The following GRM7 variants were observed in gnomAD, a reference collection of about 807,000 sequenced individuals.
GRM7 encodes the protein metabotropic glutamate receptor 7.
A neutral mutation model predicts 84.5 loss-of-function variants in GRM7; 35 were observed. That is an observed-to-expected ratio of 0.41 (90% confidence interval 0.32 to 0.55). The LOEUF (loss-of-function observed/expected upper bound fraction) is 0.55, where lower values mean the gene tolerates loss of function less well. Ranked by LOEUF, GRM7 falls within the 20% of genes least tolerant of loss-of-function variation. GRM7 has a pLI of 0.19. For synonymous variants in GRM7, 487 were observed against 455.1 expected (o/e 1.07, Z -0.89); for missense variants, 1,003 against 1,194.6 (o/e 0.84, Z 2.36).
chr3:7,003,494 C>T (rs1215999492), intron 1 of GRM7, among the ~76,000 whole-genome samples: 3 of 151,926 alleles, frequency 2.0e-5, no homozygotes, highest in African/African-American at 7.3e-5. Context: ...TTGGATGGTC[C>T]TCAAAGATTA....
chr3:7,207,206 C>A (rs1445853701), intron 2 of GRM7, among the ~76,000 whole-genome samples: 1 of 152,152 alleles, frequency 6.6e-6, no homozygotes, highest in Non-Finnish European at 1.5e-5. Context: ...GACATGGGGA[C>A]AGTGGCTCTT....
chr3:7,367,166 G>T (rs910308759), intron 4 of GRM7, among the ~76,000 whole-genome samples: 1 of 151,804 alleles, frequency 6.6e-6, no homozygotes, highest in Middle Eastern at 3.4e-3. Flanking sequence ...ATTCTTTCTA[G>T]ATGGGAATCC....
chr3:7,667,212 G>T (rs1699736797), intron 8 of GRM7, among the ~76,000 whole-genome samples: 1 of 151,088 alleles, frequency 6.6e-6, no homozygotes, highest in Non-Finnish European at 1.5e-5. Flanking sequence ...AGACTGAAGT[G>T]ATCTATGATC....
At chr3:7,076,978 A>G (rs934518304) in intron 1 of GRM7, among the ~76,000 whole-genome samples, 1 of 152,234 alleles carries the variant, frequency 6.6e-6, no homozygotes, top group Non-Finnish European at 1.5e-5. Flanking sequence ...AAAAATGCTC[A>G]TCATCACTGG....
rs116229020 is a variant in GRM7 at position 7,565,820 on chromosome 3, C to T, written c.1516-12602C>T. Among the ~76,000 whole-genome samples the T allele has an allele frequency of 3.8e-3, 579 of 152,298 alleles. 4 individuals are homozygous for T. The highest frequency in any genetic ancestry group is 0.013 in the African/African-American group (554 of 41,576). On this transcript the variant is annotated intron_variant, in intron 7 of 9. Coordinates refer to ENST00000357716, the MANE Select transcript of GRM7 (RefSeq NM_000844.4). ...CTGAAGAGGGTTTGGTAGCAAAGAT[C>T]AGAAAGGATGATTCAACTCTCTAAG...
intron 1 of GRM7, among the ~76,000 whole-genome samples, chr3:7,029,366 G>C (rs1696107888): frequency 6.6e-6 from 1 of 151,814 alleles, no homozygotes; most frequent in African/African-American, 2.4e-5. Context: ...ATACTTCTGG[G>C]TACATATCCA....
chr3:7,181,243 A>G (rs887793574), intron 2 of GRM7, among the ~76,000 whole-genome samples: 3 of 152,272 alleles, frequency 2.0e-5, no homozygotes, highest in Non-Finnish European at 2.9e-5. Context: ...GCATCCCATC[A>G]CTTATAATGC....
intron 4 of GRM7, among the ~76,000 whole-genome samples, chr3:7,315,586 C>T (rs1409837412): frequency 6.6e-6 from 1 of 152,112 alleles, no homozygotes; most frequent in East Asian, 1.9e-4. Context: ...CAAATTAGAA[C>T]AGACAAATAC....
At chr3:7,630,254 T>C (rs986323022) in intron 8 of GRM7, among the ~76,000 whole-genome samples, 5 of 152,166 alleles carry the variant, frequency 3.3e-5, no homozygotes, top group Non-Finnish European at 7.4e-5. Context: ...GACTACAGGA[T>C]AGAAGAAGAA....
intron 1 of GRM7, among the ~76,000 whole-genome samples, chr3:6,892,045 T>G (rs1167540998): frequency 1.3e-5 from 2 of 152,224 alleles, no homozygotes; most frequent in African/African-American, 4.8e-5. Flanking sequence ...GGCTTCTGCA[T>G]TCTTCACGTA....
At position 7,550,901 on chromosome 3, in the gene GRM7, C is replaced by T. The variant is rs180926776; in HGVS notation, c.1516-27521C>T. The stretch of plus-strand genomic sequence containing the variant: ...TTTCTCTAAGCCCCACTCTCCTACT[C>T]AATAAAATGTGGAAGCAGTATTTCA... On this transcript the variant is annotated intron_variant, in intron 7 of 9. Coordinates refer to ENST00000357716, the MANE Select transcript of GRM7 (RefSeq NM_000844.4). Among the ~76,000 whole-genome samples the T allele has an allele frequency of 2.0e-5, 3 of 152,208 alleles. No homozygotes were observed. The East Asian group carries it at 5.8e-4, about 30-fold the overall frequency.
chr3:7,156,689 C>A (rs1170274904), intron 2 of GRM7, among the ~76,000 whole-genome samples: 1 of 152,122 alleles, frequency 6.6e-6, no homozygotes, highest in Non-Finnish European at 1.5e-5. Flanking sequence ...TGGATTAGTT[C>A]ACAGTTAAAT....
At chr3:7,162,080 A>T (rs570676690) in intron 2 of GRM7, among the ~76,000 whole-genome samples, 1 of 152,196 alleles carries the variant, frequency 6.6e-6, no homozygotes, top group Non-Finnish European at 1.5e-5. Flanking sequence ...GAGCAGATTT[A>T]AAGAATGGGG....
At chr3:7,312,447 G>A (rs7632630) in intron 4 of GRM7, among the ~76,000 whole-genome samples, 9 of 152,126 alleles carry the variant, frequency 5.9e-5, no homozygotes, top group African/African-American at 2.2e-4. Flanking sequence ...CATACTGCAA[G>A]AGCCATGTGG....
chr3:7,515,954 G>C (rs1700360184), intron 7 of GRM7, among the ~76,000 whole-genome samples: 2 of 151,928 alleles, frequency 1.3e-5, no homozygotes, highest in Non-Finnish European at 2.9e-5. Flanking sequence ...ACGAGCCTGG[G>C]AAACATAGGG....
chr3:7,084,987 A>T (rs1226758601), intron 1 of GRM7, among the ~76,000 whole-genome samples: 1 of 152,142 alleles, frequency 6.6e-6, no homozygotes, highest in African/African-American at 2.4e-5. Flanking sequence ...AAATCATTCC[A>T]TTATTACCTT....
rs1302234740 is a variant in GRM7, at chr3:7,740,422, G to C, written c.*16G>C. On this transcript the variant is annotated 3_prime_UTR_variant, in exon 10 of 10. Transcript: ENST00000357716. ...GGTTATCTAACCTGTTCCATTCCATGGAACCATGGAGGAGGAAGACCCTCA... is the reference window on the plus strand; with the variant it reads ...GGTTATCTAACCTGTTCCATTCCATCGAACCATGGAGGAGGAAGACCCTCA... 8.9e-6 allele frequency: 13 copies of C among 1,456,976 alleles called. No homozygotes were observed. Among genetic ancestry groups the C allele is most frequent in the Non-Finnish European group, 1.2e-5 (13 of 1,056,592 alleles). 90.3% of individuals were successfully genotyped at this position (1,456,976 alleles called of 1,614,324 possible).
intron 2 of GRM7, among the ~76,000 whole-genome samples, chr3:7,176,264 A>G (rs1032974937): frequency 9.2e-6 from 1 of 108,462 alleles, no homozygotes; most frequent in Non-Finnish European, 1.8e-5. Flanking sequence ...AAAAAAAAAT[A>G]GCTGGGTGTG....
chr3:7,504,108 C>T (rs567304420), intron 7 of GRM7, among the ~76,000 whole-genome samples: 1 of 152,080 alleles, frequency 6.6e-6, no homozygotes, highest in African/African-American at 2.4e-5. Context: ...AAAGTTGAGA[C>T]TCAATAAAAA....
Sources: allele counts gnomAD v4.1 joint callset (sites outside exome capture counted in the v4.1 genomes callset), GRCh38; gene constraint gnomAD v4.1.1; transcripts MANE v1.5; gene names NCBI Gene and HGNC (gene_info 2026-07-23, HGNC 2026-07-21).